Variants in TUSC3 observed in about 807,000 individuals in gnomAD.
TUSC3 encodes the protein dolichyl-diphosphooligosaccharide--protein glycosyltransferase subunit TUSC3.
A neutral mutation model predicts 44.8 loss-of-function variants in TUSC3; 45 were observed. That is an observed-to-expected ratio of 1.00 (90% CI 0.79 to 1.29). The LOEUF is 1.29. TUSC3 is among the 50% of genes most tolerant of loss of function. TUSC3 has a pLI of 0.00. For synonymous variants in TUSC3, 212 were observed against 152.9 expected, an observed-to-expected ratio of 1.39 and a Z score of -2.85; for missense variants, 519 against 437.9, an observed-to-expected ratio of 1.19 and a Z score of -1.65.
chr8:15,506,778 A>G (rs1365229343), intron 2 of TUSC3, among the ~76,000 whole-genome samples: 2 of 152,160 alleles, frequency 1.3e-5, no homozygotes, highest in Non-Finnish European at 2.9e-5. Flanking sequence ...TATAGGAGCT[A>G]CATTTCAAGA....
At chr8:15,623,756 C>T (rs1373377867) in intron 2 of TUSC3, among the ~76,000 whole-genome samples, 6 of 151,958 alleles carry the variant, frequency 3.9e-5, no homozygotes, top group South Asian at 2.1e-4. Flanking sequence ...CAAAAGTATA[C>T]AACAAACACT....
chr8:15,468,423 C>T (rs1800442819), intron 1 of TUSC3, among the ~76,000 whole-genome samples: 1 of 152,122 alleles, frequency 6.6e-6, no homozygotes, highest in African/African-American at 2.4e-5. Flanking sequence ...TTCAACATAG[C>T]CATGAGCCTC....
chr8:15,720,481 T>TA (rs1335721902), intron 6 of TUSC3, among the ~76,000 whole-genome samples: 1 of 152,092 alleles, frequency 6.6e-6, no homozygotes, highest in Non-Finnish European at 1.5e-5. Flanking sequence ...TCTGAATCCT[T>TA]ACCAGTGCCA....
At chr8:15,539,074 A>G (rs1052149681), upstream of TUSC3, among the ~76,000 whole-genome samples, 1 of 150,952 alleles carries the variant, frequency 6.6e-6, no homozygotes, top group Non-Finnish European at 1.5e-5. Context: ...GCTGCTCTCC[A>G]ACTCTTGGAC....
chr8:15,514,830 C>A (rs1801193983), intron 2 of TUSC3, among the ~76,000 whole-genome samples: 1 of 152,188 alleles, frequency 6.6e-6, no homozygotes, highest in South Asian at 2.1e-4. Flanking sequence ...CAGCCACTCG[C>A]TAGGCTGATT....
chr8:15,491,481 T>C (rs1323115968), intron 2 of TUSC3, among the ~76,000 whole-genome samples: 1 of 152,066 alleles, frequency 6.6e-6, no homozygotes, highest in Non-Finnish European at 1.5e-5. Flanking sequence ...GTGAGTCTTG[T>C]AAATCTACCC....
intron 1 of TUSC3, among the ~76,000 whole-genome samples, chr8:15,462,174 C>T (rs758557857): frequency 7.9e-5 from 12 of 151,958 alleles, no homozygotes; most frequent in Admixed American, 6.6e-4. Flanking sequence ...TTAGCATGTA[C>T]CATATACCAA....
intron 6 of TUSC3, among the ~76,000 whole-genome samples, chr8:15,697,912 T>C (rs556495157): frequency 2.6e-5 from 4 of 152,344 alleles, no homozygotes; most frequent in Admixed American, 6.5e-5. Context: ...GTCTAGTTAA[T>C]AAATTACCTT....
chr8:15,567,184 C>T (rs980079289), intron 1 of TUSC3, among the ~76,000 whole-genome samples: 5 of 152,094 alleles, frequency 3.3e-5, no homozygotes, highest in Non-Finnish European at 5.9e-5. Context: ...TTTATCATTC[C>T]TTTTAATGAA....
chr8:15,623,329 TA>T, intron 2 of TUSC3, 80 bp downstream of exon 2: 1 of 1,347,918 alleles, frequency 7.4e-7, no homozygotes, highest in Non-Finnish European at 9.9e-7. Flanking sequence ...TTAAGATAAA[TA>T]TATGTAAGAT....
chr8:15,578,288 T>C (rs2129145701), intron 1 of TUSC3, among the ~76,000 whole-genome samples: 1 of 118,920 alleles, frequency 8.4e-6, no homozygotes, highest in Non-Finnish European at 1.7e-5. Flanking sequence ...CCTCTTTTCC[T>C]AATTGAATAC....
the TUSC3 span, among the ~76,000 whole-genome samples, chr8:15,836,103 T>C: frequency 1.3e-5 from 2 of 152,006 alleles, no homozygotes; most frequent in African/African-American, 2.4e-5. Context: ...TGCATTTGCT[T>C]CATTTATTCT....
chr8:15,709,174 A>C (rs1416043916), intron 6 of TUSC3, among the ~76,000 whole-genome samples: 1 of 151,936 alleles, frequency 6.6e-6, no homozygotes, highest in Non-Finnish European at 1.5e-5. Context: ...CATCCAACAT[A>C]ATCTGTCTTG....
intron 10 of TUSC3, among the ~76,000 whole-genome samples, chr8:15,761,605 A>G (rs1006952043): frequency 6.6e-6 from 1 of 152,216 alleles, no homozygotes; most frequent in Non-Finnish European, 1.5e-5. Context: ...TGCTATGCAC[A>G]TGCAGACTAC....
chr8:15,431,536 T>A (rs1250892580), intron 1 of TUSC3, among the ~76,000 whole-genome samples: 1 of 151,738 alleles, frequency 6.6e-6, no homozygotes, highest in Non-Finnish European at 1.5e-5. Context: ...TATCCTGCAG[T>A]TTTGCTAAAG....
chr8:15,821,287 CT>C, the TUSC3 span, among the ~76,000 whole-genome samples: 1 of 148,980 alleles, frequency 6.7e-6, no homozygotes, highest in Admixed American at 6.7e-5. Flanking sequence ...TGTAATATGT[CT>C]CTTTTTGCTA....
At chr8:15,740,093 TA>T (rs533324174) in intron 7 of TUSC3, among the ~76,000 whole-genome samples, 8 of 151,406 alleles carry the variant, frequency 5.3e-5, no homozygotes, top group East Asian at 1.9e-4. Context: ...AATTTTATAA[TA>T]AAAAAAAATC....
chr8:15,432,106 A>G (rs1388300707), intron 1 of TUSC3, among the ~76,000 whole-genome samples: 2 of 151,936 alleles, frequency 1.3e-5, no homozygotes, highest in Admixed American at 6.6e-5. Flanking sequence ...CTTTGGTATC[A>G]GAGTAAAACT....
At chr8:15,495,947 C>G (rs997149795) in intron 2 of TUSC3, among the ~76,000 whole-genome samples, 1 of 152,154 alleles carries the variant, frequency 6.6e-6, no homozygotes, top group African/African-American at 2.4e-5. Context: ...CCTGACCCTT[C>G]TACCTTGCAT....
Sources: allele counts gnomAD v4.1 joint callset (sites outside exome capture counted in the v4.1 genomes callset), GRCh38; gene constraint gnomAD v4.1.1; transcripts MANE v1.5; gene names NCBI Gene and HGNC (gene_info 2026-07-23, HGNC 2026-07-21).